The following DSCAM variants were observed in gnomAD, a reference collection of about 807,000 sequenced individuals.
DSCAM encodes cell adhesion molecule DSCAM.
A neutral mutation model predicts 217.7 loss-of-function variants in DSCAM; 47 were observed. That is an observed-to-expected ratio of 0.22 (90% CI 0.17 to 0.28). The LOEUF is 0.28. DSCAM is among the 10% of genes least tolerant of loss of function. The pLI, the probability that DSCAM is intolerant of heterozygous loss-of-function variation, is 1.00. For synonymous variants in DSCAM, 1,056 were observed against 1,015.3 expected (o/e 1.04, Z -0.76); for missense variants, 2,080 against 2,618.3 (o/e 0.79, Z 4.49).
At chr21:40,717,468 G>A (rs917904299) in intron 1 of DSCAM, among the ~76,000 whole-genome samples, 5 of 152,180 alleles carry the variant, frequency 3.3e-5, no homozygotes, top group Admixed American at 6.5e-5. Context: ...AGCAAAATGC[G>A]GCTTAGCCTT....
chr21:40,736,260 T>C (rs2091062183), intron 1 of DSCAM, among the ~76,000 whole-genome samples: 1 of 152,126 alleles, frequency 6.6e-6, no homozygotes, highest in South Asian at 2.1e-4. Context: ...GGAGCTCTCC[T>C]CTGAAGCCCA....
At chr21:40,343,816 A>G (rs902896336) in intron 6 of DSCAM, among the ~76,000 whole-genome samples, 2 of 150,246 alleles carry the variant, frequency 1.3e-5, no homozygotes, top group Non-Finnish European at 3.0e-5. Context: ...ATAAAGTGTT[A>G]TTTTATTTTA....
intron 8 of DSCAM, among the ~76,000 whole-genome samples, chr21:40,337,009 G>C (rs978689111): frequency 6.6e-6 from 1 of 151,994 alleles, no homozygotes; most frequent in African/African-American, 2.4e-5. Flanking sequence ...TTATGTGCAG[G>C]CATATCTAAT....
intron 3 of DSCAM, among the ~76,000 whole-genome samples, chr21:40,563,184 T>C (rs73902681): frequency 0.022 from 3,402 of 151,892 alleles, 112 homozygotes; most frequent in African/African-American, 0.079. Context: ...CAACCAACTG[T>C]CTTGGTTTGT....
intron 1 of DSCAM, among the ~76,000 whole-genome samples, chr21:40,808,040 G>T (rs1052505838): frequency 4.6e-5 from 7 of 152,080 alleles, no homozygotes; most frequent in African/African-American, 1.7e-4. Flanking sequence ...TCAGAGCTGA[G>T]TCCTTCTATG....
intron 11 of DSCAM, among the ~76,000 whole-genome samples, chr21:40,231,357 A>G (rs1331394682): frequency 6.6e-6 from 1 of 152,050 alleles, no homozygotes; most frequent in African/African-American, 2.4e-5. Context: ...TCACTGGCCC[A>G]GCAGCTTCTG....
intron 3 of DSCAM, among the ~76,000 whole-genome samples, chr21:40,534,923 T>A (rs746883539): frequency 1.3e-5 from 2 of 152,170 alleles, no homozygotes; most frequent in African/African-American, 2.4e-5. Context: ...CGTGGTATCA[T>A]CTAGTAGTGA....
At chr21:40,152,791 C>A (rs540473717) in intron 16 of DSCAM, among the ~76,000 whole-genome samples, 7 of 152,356 alleles carry the variant, frequency 4.6e-5, no homozygotes, top group Non-Finnish European at 7.3e-5. Flanking sequence ...GCTCACTGCA[C>A]CTGCCTGGAT....
chr21:40,661,787 G>A (rs1448757146), intron 3 of DSCAM, among the ~76,000 whole-genome samples: 6 of 152,074 alleles, frequency 3.9e-5, no homozygotes, highest in Non-Finnish European at 5.9e-5. Flanking sequence ...GCTTTGGGGC[G>A]TGTCCAAAGG....
At chr21:40,462,031 A>C (rs2075810037) in intron 3 of DSCAM, among the ~76,000 whole-genome samples, 2 of 152,234 alleles carry the variant, frequency 1.3e-5, no homozygotes, top group Admixed American at 1.3e-4. Flanking sequence ...TAATTTGTTA[A>C]AGCAGCAGCA....
chr21:40,604,579 T>C (rs1487528996), intron 3 of DSCAM, among the ~76,000 whole-genome samples: 8 of 152,224 alleles, frequency 5.3e-5, no homozygotes, highest in African/African-American at 1.9e-4. Context: ...ATCTGGGCTG[T>C]ATTTAATGTT....
intron 20 of DSCAM, among the ~76,000 whole-genome samples, chr21:40,102,109 G>A (rs776948784): frequency 1.3e-5 from 2 of 152,008 alleles, no homozygotes; most frequent in African/African-American, 4.8e-5. Context: ...TTTAAAATGA[G>A]GCACCATAGA....
Position 40,029,190 on chromosome 21 carries a change from A to C in DSCAM, c.5686+13181T>G, listed in dbSNP as rs1215530572. 2.9e-5 allele frequency among the ~76,000 whole-genome samples: 3 copies of C among 103,844 alleles called. No individual in the cohort carries two copies. The East Asian group carries it at 8.5e-4, about 30-fold the overall frequency. 68.1% of individuals were successfully genotyped at this position (103,844 alleles called of 152,430 possible). On this transcript the variant is annotated intron_variant, in intron 32 of 32. Coordinates refer to ENST00000400454, the MANE Select transcript of DSCAM (RefSeq NM_001389.5). Reference sequence around the variant, plus strand: ...AGGTAGCATTTTGAGCCAGTTGCAAACCTTCTTGGATTACTGCTTCTTCTT... The same window carrying C: ...AGGTAGCATTTTGAGCCAGTTGCAACCCTTCTTGGATTACTGCTTCTTCTT...
chr21:40,807,979 G>C (rs951122540), intron 1 of DSCAM, among the ~76,000 whole-genome samples: 2 of 152,092 alleles, frequency 1.3e-5, no homozygotes, highest in Non-Finnish European at 2.9e-5. Context: ...TCCTACTTCT[G>C]GGCCTAAGTA....
chr21:40,612,561 G>A (rs569030909), intron 3 of DSCAM, among the ~76,000 whole-genome samples: 4 of 152,184 alleles, frequency 2.6e-5, no homozygotes, highest in African/African-American at 9.7e-5. Context: ...ACCCAGCAGA[G>A]GTCCTAGGCA....
chr21:40,286,909 A>ATGATCTGCAGTATGATCCACGTTG (rs1210064437), intron 10 of DSCAM, among the ~76,000 whole-genome samples: 31 of 144,636 alleles, frequency 2.1e-4, no homozygotes, highest in African/African-American at 3.1e-4. Context: ...GATCTGAAGC[A>ATGATCTGCAGTATGATCCACGTTG]TGATCTGCAG....
At position 40,052,083 on chromosome 21, in the gene DSCAM, G is replaced by A. The variant is rs1388489210; in HGVS notation, c.5060C>T (p.Thr1687Met). ...TIDDRSTVLL[T>M]DADFGEAAKQ... ...AGCTGCCTCTCCAAAGTCAGCATCC[G>A]TCAACAGAACCGTGGAGCGATCATC... Residue 1687 changes from threonine (T) to methionine (M), a missense_variant, in exon 30 of 33, where the codon ACG becomes ATG. Transcript: ENST00000400454. The A allele has an allele frequency of 8.1e-6, 13 of 1,613,912 alleles. No individual in the cohort carries two copies. The highest frequency in any genetic ancestry group is 2.2e-5 in the East Asian group (1 of 44,884).
At chr21:40,110,156 G>A (rs1300826517) in intron 20 of DSCAM, among the ~76,000 whole-genome samples, 2 of 152,172 alleles carry the variant, frequency 1.3e-5, no homozygotes, top group East Asian at 1.9e-4. Flanking sequence ...GCCTAACTGG[G>A]AGGCACCCAC....
chr21:40,244,477 C>G (rs1340747032), intron 11 of DSCAM, among the ~76,000 whole-genome samples: 2 of 148,772 alleles, frequency 1.3e-5, no homozygotes, highest in Admixed American at 6.7e-5. Flanking sequence ...AAAAAAGTCA[C>G]AATTGTGCAG....
Sources: gnomAD v4.1 joint callset for allele counts (sites outside exome capture counted in the v4.1 genomes callset) on GRCh38, gnomAD v4.1.1 for gene constraint, MANE v1.5 for transcripts, NCBI Gene and HGNC (gene_info 2026-07-23, HGNC 2026-07-21) for gene names.